The following ARID1B variants were observed in gnomAD, a reference collection of about 807,000 sequenced individuals.
ARID1B encodes AT-rich interactive domain-containing protein 1B.
Under a neutral mutation model 212.3 loss-of-function variants are expected in ARID1B, and 30 were observed. That is an observed-to-expected ratio of 0.14 (90% confidence interval 0.11 to 0.19). The LOEUF is 0.19. Ranked by LOEUF, ARID1B falls within the 10% of genes least tolerant of loss-of-function variation. The probability of loss-of-function intolerance (pLI) is 1.00; values close to 1 mark genes in which losing one functional copy is unlikely to be tolerated. For missense variants in ARID1B, 2,891 were observed against 3,204.0 expected (o/e 0.90, Z 2.36); for synonymous variants, 1,402 against 1,301.7 (o/e 1.08, Z -1.66).
chr6:156,866,134 T>C (rs1459564569), intron 2 of ARID1B, among the ~76,000 whole-genome samples: 2 of 152,192 alleles, frequency 1.3e-5, no homozygotes, highest in Non-Finnish European at 2.9e-5. Context: ...TTCTTATTGG[T>C]CCAGCCTCAG....
At chr6:157,113,008 G>C (rs1787043256) in intron 6 of ARID1B, among the ~76,000 whole-genome samples, 1 of 150,592 alleles carries the variant, frequency 6.6e-6, no homozygotes, top group Non-Finnish European at 1.5e-5. Flanking sequence ...TGCAACCTCT[G>C]CCTCCTGGGT....
At chr6:157,194,546 G>T (rs1239645181) in intron 15 of ARID1B, 1 of 152,190 alleles carries the variant, frequency 6.6e-6, no homozygotes, top group Non-Finnish European at 1.5e-5. Flanking sequence ...CTAGTTTCTG[G>T]ACTGAACACA....
rs1012590701 is a variant in ARID1B, at chr6:156,963,074, G to A, written c.2247+27498G>A. Among the ~76,000 whole-genome samples, 42 of 152,142 alleles carry A rather than the reference G, an allele frequency of 2.8e-4. 1 individual carries two copies. Among genetic ancestry groups the A allele is most frequent in the African/African-American group, 9.4e-4 (39 of 41,426 alleles). On this transcript the variant is annotated intron_variant, in intron 4 of 19. Transcript: ENST00000636930. ...TGGGATTACAGGTGTGAGCCACCGC[G>A]CCCGGCCTCAATTTCTTTAGAAGTA...
chr6:157,000,682 C>T (rs1778856005), intron 4 of ARID1B, among the ~76,000 whole-genome samples: 1 of 136,030 alleles, frequency 7.4e-6, no homozygotes, highest in African/African-American at 2.7e-5. Flanking sequence ...TCTAAACACC[C>T]ATTTCTAATT....
At chr6:157,028,829 A>G (rs1780837928) in intron 4 of ARID1B, among the ~76,000 whole-genome samples, 2 of 152,220 alleles carry the variant, frequency 1.3e-5, no homozygotes, top group African/African-American at 4.8e-5. Context: ...TCTCCTTTAC[A>G]ATCATGCCCT....
At position 156,949,240 on chromosome 6, in the gene ARID1B, C is replaced by T. The variant is rs188619189; in HGVS notation, c.2247+13664C>T. Among the ~76,000 whole-genome samples, 6 of 152,024 alleles carry T rather than the reference C, an allele frequency of 3.9e-5. No individual in the cohort carries two copies. The East Asian group carries it at 1.2e-3, about 29-fold the overall frequency. ...TTTCTATGTTTTATAGGGATAAAAA[C>T]ATCTTTCATATAATTCTGGCCTGTT... On this transcript the variant is annotated intron_variant, in intron 4 of 19. Coordinates refer to ENST00000636930, the MANE Select transcript of ARID1B (RefSeq NM_001374828.1).
At chr6:156,996,228 C>T (rs138980045) in intron 4 of ARID1B, among the ~76,000 whole-genome samples, 21 of 152,244 alleles carry the variant, frequency 1.4e-4, no homozygotes, top group African/African-American at 5.1e-4. Context: ...TGCAGGTGTT[C>T]GCAAAAACTG....
At position 157,133,574 on chromosome 6, in the gene ARID1B, G is replaced by A. The variant is rs113004051; in HGVS notation, c.2761+367G>A. 8.4e-3 allele frequency among the ~76,000 whole-genome samples: 1,272 copies of A among 152,264 alleles called. 22 individuals carry two copies. Among genetic ancestry groups the A allele is most frequent in the African/African-American group, 0.028 (1,174 of 41,550 alleles). On this transcript the variant is annotated intron_variant, in intron 7 of 19. Coordinates refer to ENST00000636930, the MANE Select transcript of ARID1B (RefSeq NM_001374828.1). ...CTTGGGCTTTGTTGGGTTGGATTCT[G>A]GTTTGGCCCATCCCTCTTAGTGATC...
chr6:156,802,593 A>G (rs1238839267), intron 1 of ARID1B, among the ~76,000 whole-genome samples: 2 of 152,166 alleles, frequency 1.3e-5, no homozygotes, highest in Non-Finnish European at 2.9e-5. Context: ...GCTTCTATTT[A>G]GGTTCTTAGG....
At chr6:156,792,300 C>CG (rs1333315525) in intron 1 of ARID1B, among the ~76,000 whole-genome samples, 2 of 152,128 alleles carry the variant, frequency 1.3e-5, no homozygotes, top group African/African-American at 4.8e-5. Context: ...TGCAGCCCCC[C>CG]CTTTTTAAAA....
intron 4 of ARID1B, among the ~76,000 whole-genome samples, chr6:156,987,187 G>A (rs888805148): frequency 1.3e-5 from 2 of 151,102 alleles, no homozygotes; most frequent in Non-Finnish European, 1.5e-5. Flanking sequence ...GAGAGAGAGA[G>A]AGAGAGAGAG....
At chr6:156,965,829 A>C (rs1450798013) in intron 4 of ARID1B, among the ~76,000 whole-genome samples, 1 of 152,228 alleles carries the variant, frequency 6.6e-6, no homozygotes, top group Non-Finnish European at 1.5e-5. Flanking sequence ...GCAGACTATG[A>C]AAAAATTTAT....
chr6:156,985,625 G>A (rs1777873159), intron 4 of ARID1B: 1 of 152,060 alleles, frequency 6.6e-6, no homozygotes, highest in Admixed American at 6.5e-5. Context: ...TACATTAAAA[G>A]TTTTGCTTTT....
At chr6:157,021,138 G>A (rs898468367) in intron 4 of ARID1B, among the ~76,000 whole-genome samples, 6 of 152,138 alleles carry the variant, frequency 3.9e-5, no homozygotes, top group African/African-American at 9.7e-5. Context: ...TTAGAGAGAG[G>A]GTGTGAAGGA....
At chr6:156,959,909 TGAAGATTGTCA>T (rs1417615533) in intron 4 of ARID1B, among the ~76,000 whole-genome samples, 2 of 149,788 alleles carry the variant, frequency 1.3e-5, no homozygotes, top group Non-Finnish European at 3.0e-5. Flanking sequence ...CAGTATTGTC[TGAAGATTGTCA>T]GCTTCTTTTT....
intron 15 of ARID1B, among the ~76,000 whole-genome samples, chr6:157,193,138 C>G (rs1379358605): frequency 6.6e-6 from 1 of 152,146 alleles, no homozygotes; most frequent in Non-Finnish European, 1.5e-5. Flanking sequence ...ATATGTTTAA[C>G]AGAATAGTAT....
chr6:157,115,264 T>C (rs896099773), intron 6 of ARID1B, among the ~76,000 whole-genome samples: 1 of 152,196 alleles, frequency 6.6e-6, no homozygotes, highest in Non-Finnish European at 1.5e-5. Context: ...AAGGTATTTG[T>C]GCAAGTAAAT....
At chr6:157,098,769 C>T (rs955015361) in intron 5 of ARID1B, among the ~76,000 whole-genome samples, 1 of 152,160 alleles carries the variant, frequency 6.6e-6, no homozygotes, top group Non-Finnish European at 1.5e-5. Context: ...CAGAGTCGGT[C>T]CTGAGTGGAG....
chr6:156,846,536 C>T (rs1048044752), intron 2 of ARID1B, among the ~76,000 whole-genome samples: 1 of 151,992 alleles, frequency 6.6e-6, no homozygotes, highest in Admixed American at 6.6e-5. Context: ...GAGAACCGAT[C>T]GGCACGTTGT....
Sources: allele counts gnomAD v4.1 joint callset (sites outside exome capture counted in the v4.1 genomes callset), GRCh38; gene constraint gnomAD v4.1.1; transcripts MANE v1.5; gene names NCBI Gene and HGNC (gene_info 2026-07-23, HGNC 2026-07-21).